The following MGAT4C variants were observed in gnomAD, a reference collection of about 807,000 sequenced individuals.
MGAT4C encodes the protein alpha-1,3-mannosyl-glycoprotein 4-beta-N-acetylglucosaminyltransferase C.
Under a neutral mutation model 40.1 loss-of-function variants are expected in MGAT4C, and 19 were observed. That is an observed-to-expected ratio of 0.47 (90% confidence interval 0.33 to 0.70). The LOEUF (loss-of-function observed/expected upper bound fraction) is 0.70, where lower values mean the gene tolerates loss of function less well. Among genes scored for constraint, MGAT4C ranks in the 30% least tolerant of loss-of-function variants. The probability of loss-of-function intolerance (pLI) is 0.02; values close to 1 mark genes in which losing one functional copy is unlikely to be tolerated. For missense variants in MGAT4C, 491 were observed against 563.2 expected, an observed-to-expected ratio of 0.87 and a Z score of 1.30; for synonymous variants, 181 against 187.1, an observed-to-expected ratio of 0.97 and a Z score of 0.27.
At chr12:86,522,634 C>T (rs1001682818) in intron 2 of MGAT4C, among the ~76,000 whole-genome samples, 2 of 152,192 alleles carry the variant, frequency 1.3e-5, no homozygotes, top group South Asian at 4.1e-4. Context: ...GGAAGTATTT[C>T]TCCTCCTCAA....
At chr12:86,775,300 A>C (rs1315799263) in intron 1 of MGAT4C, among the ~76,000 whole-genome samples, 1 of 152,016 alleles carries the variant, frequency 6.6e-6, no homozygotes, top group African/African-American at 2.4e-5. Context: ...ATGTGGATGA[A>C]CATAAGCACA....
At chr12:86,210,792 T>G (rs146139942) in intron 1 of MGAT4C, among the ~76,000 whole-genome samples, 7 of 152,340 alleles carry the variant, frequency 4.6e-5, no homozygotes, top group Non-Finnish European at 8.8e-5. Context: ...TGGTTTAGGA[T>G]GTTTAGTTGA....
At chr12:86,349,143 T>C (rs970392946) in intron 3 of MGAT4C, among the ~76,000 whole-genome samples, 2 of 152,152 alleles carry the variant, frequency 1.3e-5, no homozygotes, top group Non-Finnish European at 2.9e-5. Context: ...GTCCTTGAAA[T>C]CTTATTGTAA....
intron 1 of MGAT4C, among the ~76,000 whole-genome samples, chr12:86,109,982 T>C (rs1382580808): frequency 6.6e-6 from 1 of 151,234 alleles, no homozygotes; most frequent in Admixed American, 6.6e-5. Flanking sequence ...GTTATTCAGA[T>C]GAAGAAGTAT....
At chr12:86,759,303 G>A (rs1288004093) in intron 1 of MGAT4C, among the ~76,000 whole-genome samples, 1 of 152,170 alleles carries the variant, frequency 6.6e-6, no homozygotes, top group Non-Finnish European at 1.5e-5. Context: ...GAACATCCAG[G>A]TTGTTTCCTA....
rs1883691194 is a variant in MGAT4C at position 85,972,801 on chromosome 12, G to T, written c.*6488C>A. On this transcript the variant is annotated 3_prime_UTR_variant, in exon 5 of 5. Coordinates refer to ENST00000611864, the MANE Select transcript of MGAT4C (RefSeq NM_001351288.2). ...AACTATACTTTCACTCATTGATGAA[G>T]TAAGTTACAACGTGGAATAACAAAG... 6.6e-6 allele frequency: 1 copy of T among 151,010 alleles called. No homozygotes were observed. The highest frequency in any genetic ancestry group is 1.9e-4 in the East Asian group (1 of 5,186). The allele number at this position is 151,010 out of a possible 1,614,324, so 9.4% of individuals were successfully genotyped here.
At chr12:86,333,204 G>A (rs1954711153) in intron 4 of MGAT4C, among the ~76,000 whole-genome samples, 1 of 152,098 alleles carries the variant, frequency 6.6e-6, no homozygotes, top group African/African-American at 2.4e-5. Flanking sequence ...CAAAGATAAA[G>A]CCACATGGCA....
At chr12:86,396,167 C>T (rs1956258183) in intron 3 of MGAT4C, among the ~76,000 whole-genome samples, 1 of 151,974 alleles carries the variant, frequency 6.6e-6, no homozygotes, top group Admixed American at 6.6e-5. Flanking sequence ...GACCTCAAAC[C>T]TAGATGCATT....
At chr12:86,335,524 T>C (rs1223762222) in intron 3 of MGAT4C, among the ~76,000 whole-genome samples, 1 of 152,088 alleles carries the variant, frequency 6.6e-6, no homozygotes, top group Non-Finnish European at 1.5e-5. Context: ...TAGAATGGTT[T>C]CTTGGGGTTG....
intron 2 of MGAT4C, among the ~76,000 whole-genome samples, chr12:86,637,809 C>CGTTATCT (rs1207607800): frequency 6.6e-6 from 1 of 151,908 alleles, no homozygotes; most frequent in African/African-American, 2.4e-5. Flanking sequence ...ATCATACCCA[C>CGTTATCT]GTTATCTACA....
chr12:86,272,234 C>T (rs1001535164), intron 4 of MGAT4C, among the ~76,000 whole-genome samples: 11 of 152,110 alleles, frequency 7.2e-5, no homozygotes, highest in Non-Finnish European at 1.2e-4. Context: ...ATTATTTATT[C>T]GTAAGACTGA....
intron 2 of MGAT4C, among the ~76,000 whole-genome samples, chr12:86,706,135 A>G (rs1454619319): frequency 2.0e-5 from 3 of 152,152 alleles, no homozygotes; most frequent in Non-Finnish European, 4.4e-5. Flanking sequence ...CAAAACAAAT[A>G]TGTGCTTGCT....
In MGAT4C at chr12:86,440,377, C is replaced by T. The variant is rs368643140; in HGVS notation, c.-228-5112G>A. On this transcript the variant is annotated intron_variant, in intron 2 of 7. Transcript: ENST00000548651. ...ACAAAAACAGAATTAAAAACAAAAA[C>T]CATATGATAATCTCAATAGACATAG... Among the ~76,000 whole-genome samples, 45 of 152,018 alleles carry T rather than the reference C, an allele frequency of 3.0e-4. No homozygotes were observed. In the East Asian group the frequency reaches 4.1e-3, roughly 14 times the overall value.
At chr12:86,468,820 C>A (rs572732830) in intron 2 of MGAT4C, among the ~76,000 whole-genome samples, 1 of 152,188 alleles carries the variant, frequency 6.6e-6, no homozygotes, top group African/African-American at 2.4e-5. Flanking sequence ...CTAACTGCTT[C>A]AGGTCCCTTA....
chr12:86,762,170 G>A (rs961123779), intron 1 of MGAT4C, among the ~76,000 whole-genome samples: 1 of 151,580 alleles, frequency 6.6e-6, no homozygotes, highest in South Asian at 2.1e-4. Context: ...TCCCACTTCA[G>A]CCTCCCTAGT....
intron 2 of MGAT4C, among the ~76,000 whole-genome samples, chr12:86,591,763 T>G (rs1444041751): frequency 6.6e-6 from 1 of 151,686 alleles, no homozygotes; most frequent in Non-Finnish European, 1.5e-5. Context: ...CTTTTGCAAA[T>G]TTAATTATAT....
chr12:86,413,100 A>C (rs1956638001), intron 3 of MGAT4C, among the ~76,000 whole-genome samples: 1 of 152,116 alleles, frequency 6.6e-6, no homozygotes, highest in Non-Finnish European at 1.5e-5. Flanking sequence ...CCAATTAAAC[A>C]AAATTTTATG....
intron 4 of MGAT4C, among the ~76,000 whole-genome samples, chr12:86,283,191 A>G (rs537054557): frequency 6.7e-6 from 1 of 149,064 alleles, no homozygotes; most frequent in South Asian, 2.1e-4. Flanking sequence ...TTCCACCACA[A>G]TAAAAAAAAA....
chr12:86,802,460 T>C (rs1180154871), intron 1 of MGAT4C, among the ~76,000 whole-genome samples: 1 of 152,000 alleles, frequency 6.6e-6, no homozygotes. Context: ...ATTAATTTAT[T>C]CACTAATTAT....
Sources: allele counts gnomAD v4.1 joint callset (sites outside exome capture counted in the v4.1 genomes callset), GRCh38; gene constraint gnomAD v4.1.1; transcripts MANE v1.5; gene names NCBI Gene and HGNC (gene_info 2026-07-23, HGNC 2026-07-21).